CDRT4: variants seen among roughly 807,000 people sequenced by gnomAD.
The protein encoded by CDRT4 is CMT1A duplicated region transcript 4.
For missense variants in CDRT4, 167 were observed against 193.1 expected (o/e 0.87, Z 0.80); for synonymous variants, 64 against 69.6 (o/e 0.92, Z 0.40).
chr17:15,465,040 C>T (rs1033412758), intron 1 of CDRT4, among the ~76,000 whole-genome samples: 15 of 143,020 alleles, frequency 1.0e-4, no homozygotes, highest in Admixed American at 2.2e-4. Context: ...CACACAGACA[C>T]ACATAACACA....
intron 3 of CDRT4, among the ~76,000 whole-genome samples, chr17:15,439,355 A>AGGAGCT (rs1362831260): frequency 6.6e-6 from 1 of 152,222 alleles, no homozygotes; most frequent in Non-Finnish European, 1.5e-5. Context: ...GTGGCTGTCC[A>AGGAGCT]GGAGCTGGAG....
chr17:15,453,849 T>C (rs1336345044), intron 1 of CDRT4, among the ~76,000 whole-genome samples: 3 of 152,174 alleles, frequency 2.0e-5, no homozygotes, highest in African/African-American at 7.2e-5. Flanking sequence ...TGTTCTTATC[T>C]GTAAAACAGA....
intron 1 of CDRT4, among the ~76,000 whole-genome samples, chr17:15,454,577 T>C (rs935390239): frequency 1.3e-5 from 2 of 152,188 alleles, no homozygotes; most frequent in African/African-American, 4.8e-5. Context: ...AGCTTTGACA[T>C]CCCTTGTCCC....
intron 1 of CDRT4, 96 bp from the exon 2 acceptor site, chr17:15,453,181 A>C (rs1979338518): frequency 6.6e-6 from 1 of 152,178 alleles, no homozygotes; most frequent in Non-Finnish European, 1.5e-5. Flanking sequence ...TTGACACTTA[A>C]ATACATAAAA....
chr17:15,443,757 AC>A, intron 2 of CDRT4: 1 of 501,266 alleles, frequency 2.0e-6, no homozygotes, highest in East Asian at 4.9e-5. Flanking sequence ...TCAGTGTAGA[AC>A]CCAGTCTTCT....
intron 1 of CDRT4, among the ~76,000 whole-genome samples, chr17:15,460,116 C>T (rs1746933662): frequency 6.6e-6 from 1 of 152,180 alleles, no homozygotes; most frequent in African/African-American, 2.4e-5. Context: ...CCCTGCCAGA[C>T]ATCTCCTCAA....
chr17:15,446,470 G>A (rs184568162), intron 2 of CDRT4, among the ~76,000 whole-genome samples: 9 of 152,154 alleles, frequency 5.9e-5, no homozygotes, highest in South Asian at 2.1e-4. Context: ...GGGGAGGGGC[G>A]AATTGGTCTT....
rs953509955 is a variant in CDRT4, at chr17:15,456,098, A to G, written c.-129-3013T>C. 3.9e-5 allele frequency among the ~76,000 whole-genome samples: 6 copies of G among 152,330 alleles called. No homozygotes were observed. In the East Asian group the frequency reaches 1.2e-3, roughly 29 times the overall value. ...GCAGCAGTGGGAGAAATTTCACTGCATAATTCCTTCTTCCCCATTCCATCT... is the reference window on the plus strand; with the variant it reads ...GCAGCAGTGGGAGAAATTTCACTGCGTAATTCCTTCTTCCCCATTCCATCT... On this transcript the variant is annotated intron_variant, in intron 1 of 3. Coordinates refer to ENST00000619038, the MANE Select transcript of CDRT4 (RefSeq NM_001204477.2).
rs1979663660 is a variant in CDRT4, at chr17:15,459,709, GT to G, written c.-129-6625del. Reference sequence around the variant, plus strand: ...GATCCGCCCGCCTCGGCCTCCCAAAGTGCTGGGATTACAGGCATGAGCCACC... The same window carrying G: ...GATCCGCCCGCCTCGGCCTCCCAAAGGCTGGGATTACAGGCATGAGCCACC... On this transcript the variant is annotated intron_variant, in intron 1 of 3. Coordinates refer to ENST00000619038, the MANE Select transcript of CDRT4 (RefSeq NM_001204477.2). 3.3e-5 allele frequency among the ~76,000 whole-genome samples: 5 copies of G among 152,228 alleles called. No individual in the cohort carries two copies. In the South Asian group the frequency reaches 1.0e-3, roughly 32 times the overall value.
intron 2 of CDRT4, among the ~76,000 whole-genome samples, chr17:15,446,548 C>G (rs945376118): frequency 6.6e-6 from 1 of 152,112 alleles, no homozygotes. Flanking sequence ...TCCTCTCTAG[C>G]GCCTCTCCCC....
chr17:15,465,816 TG>T (rs886776448), intron 1 of CDRT4, among the ~76,000 whole-genome samples: 2 of 150,472 alleles, frequency 1.3e-5, no homozygotes, highest in Non-Finnish European at 3.0e-5. Flanking sequence ...GGAGGGAGCC[TG>T]GCCATCCACC....
At chr17:15,465,211 GACAC>G (rs1979961289) in intron 1 of CDRT4, among the ~76,000 whole-genome samples, 1 of 95,732 alleles carries the variant, frequency 1.0e-5, no homozygotes, top group African/African-American at 5.1e-5. Flanking sequence ...CACACCAACA[GACAC>G]ACACCAACAC....
chr17:15,455,320 G>A (rs540468707), intron 1 of CDRT4, among the ~76,000 whole-genome samples: 78 of 152,184 alleles, frequency 5.1e-4, no homozygotes, highest in Non-Finnish European at 9.7e-4. Flanking sequence ...GGTAAACATG[G>A]AAATCGTTTT....
chr17:15,437,421 G>A lies in CDRT4; in HGVS notation c.*352C>T, dbSNP rs998193511. 9.2e-5 allele frequency: 28 copies of A among 303,670 alleles called. No individual in the cohort carries two copies. The highest frequency in any genetic ancestry group is 6.0e-4 in the African/African-American group (28 of 46,968). The allele number at this position is 303,670 out of a possible 1,614,324, so 18.8% of individuals were successfully genotyped here. A position where few individuals can be genotyped will look rare whatever the true frequency, so the allele number is the denominator to read the frequency against. ...CCCTTCCTGCCCTTTACTGTCACCT[G>A]GTTAATCATTCTTTATATTATCTCT... is the stretch of plus-strand genomic sequence containing the variant. On this transcript the variant is annotated 3_prime_UTR_variant, in exon 4 of 4. Transcript: ENST00000619038.
At chr17:15,447,457 G>A (rs982023183) in intron 2 of CDRT4, among the ~76,000 whole-genome samples, 1 of 152,156 alleles carries the variant, frequency 6.6e-6, no homozygotes, top group African/African-American at 2.4e-5. Context: ...TCCCCACTCG[G>A]GATCCATGTT....
At chr17:15,455,739 A>G (rs774779205) in intron 1 of CDRT4, among the ~76,000 whole-genome samples, 21 of 152,234 alleles carry the variant, frequency 1.4e-4, no homozygotes, top group Non-Finnish European at 2.9e-4. Flanking sequence ...TAGGGTTTTT[A>G]GTTCAACAGC....
intron 3 of CDRT4, 104 bp downstream of exon 3, chr17:15,440,101 TAAA>T: frequency 1.4e-5 from 11 of 800,330 alleles, no homozygotes; most frequent in South Asian, 2.8e-5. Context: ...AAATATATAT[TAAA>T]AAAAAAAAAG....
At chr17:15,444,981 C>G (rs1217221664) in intron 2 of CDRT4, among the ~76,000 whole-genome samples, 1 of 152,182 alleles carries the variant, frequency 6.6e-6, no homozygotes, top group African/African-American at 2.4e-5. Context: ...TCATGCAAAT[C>G]TAATGATCTC....
intron 1 of CDRT4, among the ~76,000 whole-genome samples, chr17:15,455,946 G>C (rs1336280535): frequency 1.3e-5 from 2 of 152,144 alleles, no homozygotes; most frequent in Non-Finnish European, 2.9e-5. Context: ...ACAAATATTT[G>C]TTTAAAGCAA....
Sources: gnomAD v4.1 joint callset for allele counts (sites outside exome capture counted in the v4.1 genomes callset) on GRCh38, gnomAD v4.1.1 for gene constraint, MANE v1.5 for transcripts, NCBI Gene and HGNC (gene_info 2026-07-23, HGNC 2026-07-21) for gene names.